The following KHDC1 variants were observed in gnomAD, a reference collection of about 807,000 sequenced individuals.
KHDC1 encodes the protein KH homology domain-containing protein 1.
Under a neutral mutation model 24.7 loss-of-function variants are expected in KHDC1, and 21 were observed. That is an observed-to-expected ratio of 0.85 (90% CI 0.60 to 1.23). The LOEUF (loss-of-function observed/expected upper bound fraction) is 1.23. Among genes scored for constraint, KHDC1 ranks in the 50% most tolerant of loss-of-function variants. KHDC1 has a pLI of 0.00. For synonymous variants in KHDC1, 98 were observed against 111.7 expected (o/e 0.88, Z 0.77); for missense variants, 274 against 298.5 (o/e 0.92, Z 0.61).
chr6:73,277,968 G>T (rs1027546292), intron 2 of KHDC1, among the ~76,000 whole-genome samples: 4 of 139,756 alleles, frequency 2.9e-5, no homozygotes, highest in African/African-American at 5.3e-5. Context: ...TCAAACATTT[G>T]TGTTTCTTTT....
chr6:73,278,416 G>C (rs1017728757), intron 2 of KHDC1, among the ~76,000 whole-genome samples: 1 of 151,436 alleles, frequency 6.6e-6, no homozygotes, highest in Admixed American at 6.6e-5. Flanking sequence ...TAGAGACAGG[G>C]TCTCGCTACA....
intron 2 of KHDC1, among the ~76,000 whole-genome samples, chr6:73,259,243 T>C (rs1345866050): frequency 1.3e-5 from 2 of 150,600 alleles, no homozygotes; most frequent in African/African-American, 4.9e-5. Context: ...CCATCTTTCC[T>C]CATTTTGGAA....
chr6:73,289,150 A>G (rs965063328), intron 2 of KHDC1, among the ~76,000 whole-genome samples: 1 of 151,862 alleles, frequency 6.6e-6, no homozygotes, highest in Non-Finnish European at 1.5e-5. Flanking sequence ...CCTGGCCAAC[A>G]TGGCGAAACC....
chr6:73,244,649 C>A (rs1010762298), intron 2 of KHDC1, among the ~76,000 whole-genome samples: 2 of 108,266 alleles, frequency 1.8e-5, no homozygotes, highest in Non-Finnish European at 3.6e-5. Flanking sequence ...TGCCTGTAAT[C>A]CCAGCACTTT....
chr6:73,249,258 G>A (rs1766733337), intron 2 of KHDC1, among the ~76,000 whole-genome samples: 1 of 152,024 alleles, frequency 6.6e-6, no homozygotes, highest in Non-Finnish European at 1.5e-5. Flanking sequence ...TCCAGCCGAG[G>A]CGACAGAGTG....
At chr6:73,306,757 C>A (rs1582593592) in intron 1 of KHDC1, among the ~76,000 whole-genome samples, 1 of 152,160 alleles carries the variant, frequency 6.6e-6, no homozygotes, top group Non-Finnish European at 1.5e-5. Context: ...GCCTGCAATC[C>A]CAACACTTTG....
At chr6:73,283,681 C>G (rs1465831922) in intron 2 of KHDC1, among the ~76,000 whole-genome samples, 1 of 149,798 alleles carries the variant, frequency 6.7e-6, no homozygotes, top group East Asian at 2.0e-4. Flanking sequence ...CTCTCTGTCG[C>G]CCAGGCTGGA....
At chr6:73,297,922 A>G (rs528596032) in intron 1 of KHDC1, among the ~76,000 whole-genome samples, 15 of 152,260 alleles carry the variant, frequency 9.9e-5, no homozygotes, top group African/African-American at 3.6e-4. Flanking sequence ...TGTCCTAGCA[A>G]AAATCTCCCT....
intron 2 of KHDC1, among the ~76,000 whole-genome samples, chr6:73,267,534 A>C (rs1439280439): frequency 2.6e-5 from 4 of 152,172 alleles, no homozygotes; most frequent in African/African-American, 9.6e-5. Flanking sequence ...TTGTTGGCAA[A>C]GATATTGAGA....
chr6:73,294,891 C>T (rs1224188771), intron 1 of KHDC1, among the ~76,000 whole-genome samples: 2 of 152,140 alleles, frequency 1.3e-5, no homozygotes, highest in Admixed American at 1.3e-4. Context: ...GCATGGCTCA[C>T]ACCTGTAACC....
intron 2 of KHDC1, among the ~76,000 whole-genome samples, chr6:73,257,992 C>T (rs898850694): frequency 1.3e-5 from 2 of 152,128 alleles, no homozygotes; most frequent in Non-Finnish European, 2.9e-5. Flanking sequence ...CAGTGGCTCA[C>T]GCCTATAATC....
At chr6:73,308,377 AT>A (rs892113445) in intron 1 of KHDC1, among the ~76,000 whole-genome samples, 1 of 150,684 alleles carries the variant, frequency 6.6e-6, no homozygotes, top group African/African-American at 2.4e-5. Flanking sequence ...CCCTGCTGCA[AT>A]TTTTGTATTT....
At chr6:73,249,838 C>T (rs1766746980) in intron 2 of KHDC1, among the ~76,000 whole-genome samples, 2 of 152,062 alleles carry the variant, frequency 1.3e-5, no homozygotes, top group African/African-American at 4.8e-5. Context: ...CAGTCTCAAA[C>T]TCCTGGGCTC....
chr6:73,293,316 A>G (rs1767693413), intron 1 of KHDC1: 1 of 540,628 alleles, frequency 1.8e-6, no homozygotes, highest in South Asian at 1.8e-5. Context: ...ACTCTAAAAG[A>G]AAGATGAAAT....
chr6:73,253,932 A>T (rs1173496848), intron 2 of KHDC1, among the ~76,000 whole-genome samples: 3 of 152,110 alleles, frequency 2.0e-5, no homozygotes, highest in Admixed American at 6.5e-5. Context: ...AACAATAACA[A>T]CAACAAAAAA....
chr6:73,274,897 A>G (rs894489180), intron 2 of KHDC1: 1 of 152,452 alleles, frequency 6.6e-6, no homozygotes, highest in African/African-American at 2.4e-5. Context: ...GGATCTGTGC[A>G]CTGCTGAGGC....
intron 2 of KHDC1, chr6:73,269,603 A>G (rs1383930008): frequency 6.6e-6 from 1 of 152,216 alleles, no homozygotes; most frequent in Non-Finnish European, 1.5e-5. Flanking sequence ...CCATGACTAT[A>G]AAATATTTGC....
intron 2 of KHDC1, chr6:73,290,727 C>A: frequency 2.6e-6 from 1 of 383,134 alleles, no homozygotes. Flanking sequence ...CTTCTGGAAC[C>A]TTTGCTAACC....
chr6:73,307,707 C>T (rs1365644326), intron 1 of KHDC1, among the ~76,000 whole-genome samples: 3 of 152,102 alleles, frequency 2.0e-5, no homozygotes, highest in Non-Finnish European at 4.4e-5. Flanking sequence ...ACCGTGCAAC[C>T]GCCTGGCTCG....
Sources: gnomAD v4.1 joint callset for allele counts (sites outside exome capture counted in the v4.1 genomes callset) on GRCh38, gnomAD v4.1.1 for gene constraint, MANE v1.5 for transcripts, NCBI Gene and HGNC (gene_info 2026-07-23, HGNC 2026-07-21) for gene names.